AKT3: variants seen among roughly 807,000 people sequenced by gnomAD.
The protein encoded by AKT3 is RAC-gamma serine/threonine-protein kinase.
A neutral mutation model predicts 65.3 loss-of-function variants in AKT3; 15 were observed. The observed-to-expected ratio is 0.23, with a 90% CI of 0.15 to 0.35. The LOEUF is 0.35. Ranked by LOEUF, AKT3 falls within the 10% of genes least tolerant of loss-of-function variation. The pLI is 1.00. For synonymous variants in AKT3, 206 were observed against 183.8 expected, an observed-to-expected ratio of 1.12 and a Z score of -0.98; for missense variants, 243 against 576.5, an observed-to-expected ratio of 0.42 and a Z score of 5.92.
chr1:243,511,545 A>G (rs1216055777), intron 13 of AKT3, among the ~76,000 whole-genome samples: 1 of 152,242 alleles, frequency 6.6e-6, no homozygotes, highest in Non-Finnish European at 1.5e-5. Context: ...AAGAAAAACT[A>G]TGATGTGAAC....
chr1:243,555,392 T>C (rs1467481128), intron 10 of AKT3, among the ~76,000 whole-genome samples: 3 of 152,166 alleles, frequency 2.0e-5, no homozygotes, highest in Admixed American at 6.5e-5. Flanking sequence ...AACAATATCC[T>C]TTCTCTTTCC....
At chr1:243,679,090 G>T (rs1683735304) in intron 3 of AKT3, among the ~76,000 whole-genome samples, 1 of 151,956 alleles carries the variant, frequency 6.6e-6, no homozygotes, top group Admixed American at 6.6e-5. Context: ...TTAATGAATA[G>T]CAAATATATT....
rs773536779 is a variant in AKT3 at position 243,645,761 on chromosome 1, T to G, written c.429+132A>C. ...AACAACAACAGGTATTTCAGATTCA[T>G]GTGAATAAGACCCACCAATATATTT... On this transcript the variant is annotated intron_variant, in intron 5 of 13. Transcript: ENST00000673466. The G allele has an allele frequency of 1.2e-3, 1,015 of 856,294 alleles. 2 individuals are homozygous for G. The highest frequency in any genetic ancestry group is 1.7e-3 in the Non-Finnish European group (981 of 591,932). 53.0% of individuals were successfully genotyped at this position (856,294 alleles called of 1,614,324 possible).
In AKT3 at chr1:243,701,665, C is replaced by CAAAAA. The variant is rs74162707; in HGVS notation, c.47-5954_47-5950dup. 4.8e-4 allele frequency among the ~76,000 whole-genome samples: 60 copies of CAAAAA among 124,960 alleles called. 2 individuals are homozygous for CAAAAA. Among genetic ancestry groups the CAAAAA allele is most frequent in the African/African-American group, 1.5e-3 (50 of 33,004 alleles). The allele number at this position is 124,960 out of a possible 152,430, so 82.0% of individuals were successfully genotyped here. A position where few individuals can be genotyped will look rare whatever the true frequency, so the allele number is the denominator to read the frequency against. Reference sequence around the variant, plus strand: ...TATGCTTCTTACCTAAGAAAAAATGCAAAAAAAAAAAAAAAAGACCCTAAT... The same window carrying CAAAAA: ...TATGCTTCTTACCTAAGAAAAAATGCAAAAAAAAAAAAAAAAAAAAAGACCCTAAT... On this transcript the variant is annotated intron_variant, in intron 2 of 13. Transcript: ENST00000673466.
chr1:243,505,056 A>G lies in AKT3; in HGVS notation c.*193T>C. ...GACTGAGATACAATTTCATGCAAAA[A>G]CAAAAACTGGAGTGTATTTGCGTGT... On this transcript the variant is annotated 3_prime_UTR_variant, in exon 14 of 14. Transcript: ENST00000673466. The G allele has an allele frequency of 1.8e-6, 1 of 552,536 alleles. No individual in the cohort carries two copies. Among genetic ancestry groups the G allele is most frequent in the Non-Finnish European group, 3.2e-6 (1 of 311,564 alleles). The allele number at this position is 552,536 out of a possible 1,614,324, so 34.2% of individuals were successfully genotyped here.
At chr1:243,696,325 C>T (rs996646124) in intron 2 of AKT3, among the ~76,000 whole-genome samples, 8 of 151,902 alleles carry the variant, frequency 5.3e-5, no homozygotes, top group African/African-American at 1.9e-4. Context: ...CTCACACATA[C>T]ACAAACATAG....
chr1:243,498,313 T>G (rs1423037106), downstream of AKT3, among the ~76,000 whole-genome samples: 2 of 152,234 alleles, frequency 1.3e-5, no homozygotes, highest in Non-Finnish European at 2.9e-5. Flanking sequence ...GGCAGGGCTC[T>G]AGGGCATAGT....
At chr1:243,812,659 C>G (rs1693239698) in intron 2 of AKT3, among the ~76,000 whole-genome samples, 1 of 152,150 alleles carries the variant, frequency 6.6e-6, no homozygotes, top group Admixed American at 6.5e-5. Flanking sequence ...ACCCAGCCAT[C>G]CCATTAGTGG....
intron 2 of AKT3, among the ~76,000 whole-genome samples, chr1:243,824,493 T>C (rs1292929251): frequency 6.6e-6 from 1 of 152,118 alleles, no homozygotes. Context: ...GAGAAAATTT[T>C]TGCAATCTAT....
At chr1:243,694,244 A>C (rs978369361) in intron 3 of AKT3, among the ~76,000 whole-genome samples, 1 of 152,186 alleles carries the variant, frequency 6.6e-6, no homozygotes, top group African/African-American at 2.4e-5. Flanking sequence ...TAGATAATGT[A>C]TGCTGCTTAT....
intron 2 of AKT3, among the ~76,000 whole-genome samples, chr1:243,821,166 T>C (rs961787291): frequency 2.0e-5 from 3 of 152,120 alleles, no homozygotes; most frequent in African/African-American, 4.8e-5. Flanking sequence ...CAGAATTTCA[T>C]GTCCAGCCAA....
rs555904635 is a variant in AKT3, at chr1:243,631,392, A to T, written c.561+6219T>A. Among the ~76,000 whole-genome samples the T allele has an allele frequency of 2.6e-4, 40 of 152,238 alleles. 1 individual carries two copies. In the South Asian group the frequency reaches 8.1e-3, roughly 31 times the overall value. ...AGTGGCACGATCTTGGTATTCAAGC[A>T]ATTCTCATGCCTCAGCCTCCCAAGT... is the stretch of plus-strand genomic sequence containing the variant. On this transcript the variant is annotated intron_variant, in intron 6 of 13. Coordinates refer to ENST00000673466, the MANE Select transcript of AKT3 (RefSeq NM_005465.7).
rs375199321 is a variant in AKT3 at position 243,560,935 on chromosome 1, G to A, written c.948+2785C>T. On this transcript the variant is annotated intron_variant, in intron 10 of 13. Coordinates refer to ENST00000673466, the MANE Select transcript of AKT3 (RefSeq NM_005465.7). Reference sequence around the variant, plus strand: ...TCTTCCATAGCAAATTTATAGCAGGGGTAACTGAACTCCAGAGAAACAAAT... The same window carrying A: ...TCTTCCATAGCAAATTTATAGCAGGAGTAACTGAACTCCAGAGAAACAAAT... 1.5e-3 allele frequency among the ~76,000 whole-genome samples: 229 copies of A among 151,882 alleles called. 2 individuals carry two copies. In the South Asian group the frequency reaches 0.025, roughly 16 times the overall value.
chr1:243,656,193 A>C (rs1328973100), intron 4 of AKT3, among the ~76,000 whole-genome samples: 1 of 152,126 alleles, frequency 6.6e-6, no homozygotes, highest in African/African-American at 2.4e-5. Flanking sequence ...TTTTATTCCT[A>C]AATAATGTTT....
At chr1:243,512,278 A>C (rs767726862) in intron 13 of AKT3, 46 bp downstream of exon 13, 1 of 1,078,504 alleles carries the variant, frequency 9.3e-7, no homozygotes, top group Admixed American at 2.5e-5. Flanking sequence ...TTACATTAGG[A>C]GAAATTATAT....
At chr1:243,845,267 G>A (rs1020710797) in intron 1 of AKT3, among the ~76,000 whole-genome samples, 2 of 150,862 alleles carry the variant, frequency 1.3e-5, no homozygotes, top group Admixed American at 6.6e-5. Context: ...GTCACAGGCA[G>A]AACCTATAGG....
rs368933711 is a variant in AKT3 at position 243,666,004 on chromosome 1, T to TTTTG, written c.173-1125_173-1122dup. Among the ~76,000 whole-genome samples the TTTTG allele has an allele frequency of 4.7e-3, 717 of 152,204 alleles. 3 individuals are homozygous for TTTTG. The highest frequency in any genetic ancestry group is 0.012 in the Admixed American group (184 of 15,290). ...AATTCTTTACTCAGATTAGCTGTGT[T>TTTTG]TTTGTTTGTTTGTTTGTTTGAGACA... On this transcript the variant is annotated intron_variant, in intron 3 of 13. Coordinates refer to ENST00000673466, the MANE Select transcript of AKT3 (RefSeq NM_005465.7).
At chr1:243,838,691 G>A (rs961575833) in intron 2 of AKT3, among the ~76,000 whole-genome samples, 1 of 152,142 alleles carries the variant, frequency 6.6e-6, no homozygotes, top group African/African-American at 2.4e-5. Context: ...AAGCTATCTT[G>A]TGAGACAACT....
At chr1:243,687,801 A>T (rs1684427794) in intron 3 of AKT3, 1 of 152,140 alleles carries the variant, frequency 6.6e-6, no homozygotes, top group Admixed American at 6.6e-5. Context: ...AATTTTTACA[A>T]AGGTTTTCTC....
Sources: gnomAD v4.1 joint callset for allele counts (sites outside exome capture counted in the v4.1 genomes callset) on GRCh38, gnomAD v4.1.1 for gene constraint, MANE v1.5 for transcripts, NCBI Gene and HGNC (gene_info 2026-07-23, HGNC 2026-07-21) for gene names.